Variants in TEAD1 observed in about 807,000 individuals in gnomAD.
The protein encoded by TEAD1 is transcriptional enhancer factor TEF-1.
TEAD1 carries 9 observed loss-of-function variants against 54.9 expected under a neutral mutation model. The observed-to-expected ratio is 0.16, with a 90% CI of 0.10 to 0.29. The LOEUF is 0.29. Among genes scored for constraint, TEAD1 ranks in the 10% least tolerant of loss-of-function variants. TEAD1 has a pLI of 1.00. For missense variants in TEAD1, 387 were observed against 535.9 expected (o/e 0.72, Z 2.74); for synonymous variants, 200 against 187.8 (o/e 1.07, Z -0.53).
At chr11:12,684,783 T>C (rs147070763) in intron 2 of TEAD1, among the ~76,000 whole-genome samples, 9 of 152,368 alleles carry the variant, frequency 5.9e-5, no homozygotes, top group Non-Finnish European at 1.2e-4. Flanking sequence ...GATAAATCTT[T>C]GCCCCTCTCC....
rs1949161560 is a variant in TEAD1, at chr11:12,941,452, G to T, written c.*4230G>T. 2.0e-5 allele frequency: 3 copies of T among 152,118 alleles called. No homozygotes were observed. In the South Asian group the frequency reaches 6.2e-4, roughly 32 times the overall value. The allele number at this position is 152,118 out of a possible 1,614,324, so 9.4% of individuals were successfully genotyped here. ...ACTTTTAAACCCAAGTCTTCTTAAG[G>T]TTTCAGTACTGTGGTGGCTTTAGCA... On this transcript the variant is annotated 3_prime_UTR_variant, in exon 13 of 13. Transcript: ENST00000527636.
At chr11:12,743,658 G>T (rs1309282492) in intron 2 of TEAD1, among the ~76,000 whole-genome samples, 1 of 152,196 alleles carries the variant, frequency 6.6e-6, no homozygotes, top group African/African-American at 2.4e-5. Flanking sequence ...AGGGAGTCTG[G>T]TGAATTTAAG....
chr11:12,914,022 C>T (rs1339924226), intron 10 of TEAD1, among the ~76,000 whole-genome samples: 2 of 152,170 alleles, frequency 1.3e-5, no homozygotes, highest in African/African-American at 4.8e-5. Flanking sequence ...AGAACTGGCC[C>T]GTGTAGCTGC....
intron 3 of TEAD1, among the ~76,000 whole-genome samples, chr11:12,829,930 T>C (rs1946737542): frequency 6.6e-6 from 1 of 152,158 alleles, no homozygotes; most frequent in African/African-American, 2.4e-5. Context: ...TAGGAGTTCA[T>C]AGCTGTCCAT....
At chr11:12,746,502 A>G (rs114158168) in intron 2 of TEAD1, among the ~76,000 whole-genome samples, 2,091 of 152,352 alleles carry the variant, frequency 0.014, 46 homozygotes, top group African/African-American at 0.048. Flanking sequence ...AGAGTTAAGT[A>G]TAATATAAAT....
intron 3 of TEAD1, among the ~76,000 whole-genome samples, chr11:12,827,383 A>C (rs1946678058): frequency 6.6e-6 from 1 of 152,214 alleles, no homozygotes; most frequent in African/African-American, 2.4e-5. Flanking sequence ...AAGTTATAGA[A>C]TCATATTCAT....
At chr11:12,699,999 G>A (rs1467797458) in intron 2 of TEAD1, among the ~76,000 whole-genome samples, 1 of 152,132 alleles carries the variant, frequency 6.6e-6, no homozygotes, top group Non-Finnish European at 1.5e-5. Context: ...CAGCACAGGC[G>A]TTGTCAACCC....
rs10700151 is a variant in TEAD1, at chr11:12,821,961, C to CTTTTTTTTTTTTTTTTTTTT, written c.203-40288_203-40269dup. Among the ~76,000 whole-genome samples, 634 of 68,070 alleles carry CTTTTTTTTTTTTTTTTTTTT rather than the reference C, an allele frequency of 9.3e-3. 117 individuals are homozygous for CTTTTTTTTTTTTTTTTTTTT. Among genetic ancestry groups the CTTTTTTTTTTTTTTTTTTTT allele is most frequent in the Non-Finnish European group, 0.011 (439 of 40,018 alleles). The allele number at this position is 68,070 out of a possible 152,430, so 44.7% of individuals were successfully genotyped here. ...TACTCTCTCTCCTTTTTCTCTTTTCCTTTTTTTTTTTTTTTTTTTTGAGAC... is the reference window on the plus strand; with the variant it reads ...TACTCTCTCTCCTTTTTCTCTTTTCCTTTTTTTTTTTTTTTTTTTTTTTTTTTTTTTTTTTTTTTTGAGAC... On this transcript the variant is annotated intron_variant, in intron 3 of 12. Coordinates refer to ENST00000527636, the MANE Select transcript of TEAD1 (RefSeq NM_021961.6).
intron 3 of TEAD1, among the ~76,000 whole-genome samples, chr11:12,853,764 C>T (rs1242294125): frequency 1.3e-5 from 2 of 152,164 alleles, no homozygotes; most frequent in African/African-American, 4.8e-5. Context: ...CGGGAGAACA[C>T]AGTGTTCTAT....
intron 2 of TEAD1, among the ~76,000 whole-genome samples, chr11:12,738,029 A>T (rs1444923143): frequency 6.6e-6 from 1 of 152,156 alleles, no homozygotes; most frequent in Non-Finnish European, 1.5e-5. Flanking sequence ...GGATCTCATG[A>T]GACATTCACT....
chr11:12,758,931 C>T (rs140507151), intron 2 of TEAD1, among the ~76,000 whole-genome samples: 146 of 152,306 alleles, frequency 9.6e-4, no homozygotes, highest in Middle Eastern at 3.4e-3. Flanking sequence ...CATACTGGAG[C>T]TACAGGTGCT....
At chr11:12,709,940 C>T (rs1180049088) in intron 2 of TEAD1, among the ~76,000 whole-genome samples, 2 of 151,918 alleles carry the variant, frequency 1.3e-5, no homozygotes, top group Non-Finnish European at 2.9e-5. Context: ...ACTCTTCTAC[C>T]TTTTAAAAGT....
chr11:12,855,417 G>C (rs138195673), intron 3 of TEAD1, among the ~76,000 whole-genome samples: 36 of 152,176 alleles, frequency 2.4e-4, no homozygotes, highest in African/African-American at 8.4e-4. Flanking sequence ...AGCCCCCCGA[G>C]TAGCTGGGAT....
intron 3 of TEAD1, among the ~76,000 whole-genome samples, chr11:12,810,941 C>G (rs1405600495): frequency 6.6e-6 from 1 of 152,180 alleles, no homozygotes; most frequent in African/African-American, 2.4e-5. Flanking sequence ...TGGCCAGAAG[C>G]TACTTGAATG....
At chr11:12,843,868 C>T (rs1002316010) in intron 3 of TEAD1, among the ~76,000 whole-genome samples, 6 of 152,236 alleles carry the variant, frequency 3.9e-5, no homozygotes, top group South Asian at 2.1e-4. Context: ...AAACTGGAGC[C>T]GGGTTAAATA....
intron 3 of TEAD1, among the ~76,000 whole-genome samples, chr11:12,861,818 C>G (rs559529246): frequency 2.0e-5 from 3 of 152,268 alleles, no homozygotes; most frequent in South Asian, 2.1e-4. Context: ...GAAACCCTGT[C>G]TCTACTAAAA....
intron 3 of TEAD1, among the ~76,000 whole-genome samples, chr11:12,801,282 G>A (rs1946055322): frequency 6.6e-6 from 1 of 152,166 alleles, no homozygotes. Context: ...GGTCTTGATG[G>A]GCTATTGTGG....
chr11:12,718,480 T>G (rs1481703549), intron 2 of TEAD1, among the ~76,000 whole-genome samples: 2 of 152,234 alleles, frequency 1.3e-5, no homozygotes, highest in Non-Finnish European at 2.9e-5. Context: ...TGCATTCCCT[T>G]GGTCTCTGGG....
chr11:12,902,158 G>C (rs1349885402), intron 10 of TEAD1, 45 bp downstream of exon 10: 3 of 1,611,560 alleles, frequency 1.9e-6, no homozygotes, highest in African/African-American at 1.3e-5. Context: ...TGTCTGAATG[G>C]TCACATCTCT....
Sources: gnomAD v4.1 joint callset for allele counts (sites outside exome capture counted in the v4.1 genomes callset) on GRCh38, gnomAD v4.1.1 for gene constraint, MANE v1.5 for transcripts, NCBI Gene and HGNC (gene_info 2026-07-23, HGNC 2026-07-21) for gene names.